SBNO2: variants seen among roughly 807,000 people sequenced by gnomAD.
The protein encoded by SBNO2 is protein strawberry notch homolog 2.
Under a neutral mutation model 146.3 loss-of-function variants are expected in SBNO2, and 89 were observed. That is an observed-to-expected ratio of 0.61 (90% CI 0.51 to 0.73). The LOEUF (loss-of-function observed/expected upper bound fraction) is 0.73. Ranked by LOEUF, SBNO2 falls within the 30% of genes least tolerant of loss-of-function variation. SBNO2 has a pLI of 0.00. For synonymous variants in SBNO2, 1,147 were observed against 892.6 expected (o/e 1.29, Z -5.08); for missense variants, 2,092 against 2,003.7 (o/e 1.04, Z -0.84).
intron 3 of SBNO2, among the ~76,000 whole-genome samples, chr19:1,148,274 C>T (rs988881070): frequency 6.6e-6 from 1 of 152,020 alleles, no homozygotes; most frequent in African/African-American, 2.4e-5. Flanking sequence ...GGTTTGCAAA[C>T]ACCAGCAGGA....
At position 1,122,948 on chromosome 19, in the gene SBNO2, C is replaced by T. The variant is rs780595324; in HGVS notation, c.726G>A (p.Ser242=). The change falls in exon 8 of 32, where the codon TCG becomes TCA. Residue 242 remains serine (S), a synonymous_variant. Coordinates refer to ENST00000361757, the MANE Select transcript of SBNO2 (RefSeq NM_014963.3). ...GCAGGGCAGACAGGGCCCCGCTGTC[C>T]GAGGGCAGGGCCAGGGTGTAGGTGA... is the stretch of plus-strand genomic sequence containing the variant. ...PDITYTLALP[S]DSGALSALQL... is the part of the protein sequence containing the mutation. 2.7e-5 allele frequency: 42 copies of T among 1,562,998 alleles called. No homozygotes were observed. The East Asian group carries it at 4.1e-4, about 15-fold the overall frequency.
intron 23 of SBNO2, 136 bp downstream of exon 23, chr19:1,111,860 A>G: frequency 1.1e-6 from 1 of 885,112 alleles, no homozygotes; most frequent in Non-Finnish European, 1.7e-6. Flanking sequence ...TGGGGGTCCT[A>G]GACCCGGCCC....
At chr19:1,166,611 G>GCA (rs2080427408) in intron 1 of SBNO2, among the ~76,000 whole-genome samples, 1 of 46,932 alleles carries the variant, frequency 2.1e-5, no homozygotes. Context: ...GACCGCAACT[G>GCA]CACGCGCACA....
At chr19:1,147,589 G>T (rs569006675) in intron 3 of SBNO2, among the ~76,000 whole-genome samples, 169 bp from the exon 4 acceptor site, 3 of 151,970 alleles carry the variant, frequency 2.0e-5, no homozygotes, top group East Asian at 3.9e-4. Flanking sequence ...GGCCTCCAGG[G>T]GGGTGGTGGT....
intron 9 of SBNO2, 26 bp downstream of exon 9, chr19:1,122,620 ACCCCCGCTCCCG>A (rs1568577330): frequency 4.5e-6 from 1 of 220,696 alleles, no homozygotes; most frequent in East Asian, 1.6e-4. Flanking sequence ...TCCGCCCCCC[ACCCCCGCTCCCG>A]CCCCCTGCCC....
In SBNO2 at chr19:1,122,531, G is replaced by A. The variant is rs758420504; in HGVS notation, c.942C>T (p.Tyr314=). Residue 314 remains tyrosine, a synonymous_variant, in exon 10 of 32, where the codon TAC becomes TAT. Transcript: ENST00000361757. ...LWFSVSNDLK[Y]DAERDLRDIE... is the part of the protein sequence containing the mutation. ...TGTCCCGCAGGTCGCGCTCCGCATC[G>A]TACTTGAGGTCGTTGGAGACGCTGA... 10 of 1,556,246 alleles carry A rather than the reference G, an allele frequency of 6.4e-6. No individual in the cohort carries two copies. The highest frequency in any genetic ancestry group is 2.7e-5 in the African/African-American group (2 of 73,602).
At position 1,147,340 on chromosome 19, in the gene SBNO2, C is replaced by T. The variant is rs771588263; in HGVS notation, c.248G>A (p.Ser83Asn). ...TSYAPVATAS[S>N]LPPKTCDFAQ... ...AAAGTCGCAGGTCTTTGGTGGCAAGCTGGAGGCGGTGGCCACGGGGGCATA... is the reference window on the plus strand; with the variant it reads ...AAAGTCGCAGGTCTTTGGTGGCAAGTTGGAGGCGGTGGCCACGGGGGCATA... Residue 83 changes from serine to asparagine, a missense_variant, in exon 4 of 32, where the codon AGC becomes AAC. Transcript: ENST00000361757. 10 of 1,559,276 alleles carry T rather than the reference C, an allele frequency of 6.4e-6. No homozygotes were observed. The highest frequency in any genetic ancestry group is 4.3e-4 in the Middle Eastern group (2 of 4,690).
At chr19:1,162,596 G>A (rs1262548656) in intron 1 of SBNO2, among the ~76,000 whole-genome samples, 2 of 152,054 alleles carry the variant, frequency 1.3e-5, no homozygotes, top group African/African-American at 2.4e-5. Context: ...AGCTGACATC[G>A]GCCTTGAGGG....
At chr19:1,113,055 C>T in intron 19 of SBNO2, 106 bp from the exon 20 acceptor site, 1 of 1,341,294 alleles carries the variant, frequency 7.5e-7, no homozygotes, top group Non-Finnish European at 1.0e-6. Context: ...CATGGGCTCC[C>T]AGCTGTGCAC....
chr19:1,141,411 C>T (rs1032947841), intron 4 of SBNO2, among the ~76,000 whole-genome samples: 22 of 152,086 alleles, frequency 1.4e-4, no homozygotes, highest in African/African-American at 5.1e-4. Flanking sequence ...GACGGGGTTT[C>T]GCCACGTTGG....
chr19:1,110,896 G>A lies in SBNO2; in HGVS notation c.2885-8C>T. 6 of 1,613,174 alleles carry A rather than the reference G, an allele frequency of 3.7e-6. No homozygotes were observed. The highest frequency in any genetic ancestry group is 3.3e-4 in the Middle Eastern group (2 of 6,056). ...ACTTGGTGATGGAACAGTCTGGTAGGGGAGGGAGCCAAGCCTCAGGCTGCG... is the reference window on the plus strand; with the variant it reads ...ACTTGGTGATGGAACAGTCTGGTAGAGGAGGGAGCCAAGCCTCAGGCTGCG... On this transcript the variant is annotated splice_region_variant and splice_polypyrimidine_tract_variant and intron_variant, in intron 25 of 31. Coordinates refer to ENST00000361757, the MANE Select transcript of SBNO2 (RefSeq NM_014963.3). The surrounding 1 kb of genome is among the most constrained non-coding windows in gnomAD (Gnocchi z 4.9).
rs374185769 is a variant in SBNO2, at chr19:1,132,001, C to A, written c.280-4236G>T. On this transcript the variant is annotated intron_variant, in intron 4 of 31. Coordinates refer to ENST00000361757, the MANE Select transcript of SBNO2 (RefSeq NM_014963.3). ...CTCTAGGATGAGATGCCGGCTGCTC[C>A]GGCAGGGGGCCCGGCCGTCCTGAAT... 1.1e-5 allele frequency: 11 copies of A among 1,013,932 alleles called. No homozygotes were observed. In the South Asian group the frequency reaches 1.4e-4, roughly 13 times the overall value. The allele number at this position is 1,013,932 out of a possible 1,614,324, so 62.8% of individuals were successfully genotyped here. A position where few individuals can be genotyped will look rare whatever the true frequency, so the allele number is the denominator to read the frequency against.
At chr19:1,111,461 G>T in intron 24 of SBNO2, 45 bp downstream of exon 24, 1 of 1,374,186 alleles carries the variant, frequency 7.3e-7, no homozygotes, top group Non-Finnish European at 1.0e-6. Flanking sequence ...CCAGTGCTCT[G>T]CAACCCCTGC....
chr19:1,149,239 G>A (rs1459155880), intron 3 of SBNO2, 130 bp downstream of exon 3: 22 of 808,906 alleles, frequency 2.7e-5, no homozygotes, highest in East Asian at 1.1e-4. Flanking sequence ...CCAGGACCAC[G>A]TGCACACCAC....
Position 1,110,705 on chromosome 19 carries a change from C to T in SBNO2, c.3028+40G>A. On this transcript the variant is annotated intron_variant, in intron 26 of 31. Transcript: ENST00000361757. This position sits in a 1 kb window ranked among gnomAD's most constrained non-coding sequence, Gnocchi z 4.9. ...GCATGGCGTTCCCACGAGCCCCGCA[C>T]CCACACCCACCCACACCACACCCCG... 1 of 1,608,904 alleles carries T rather than the reference C, an allele frequency of 6.2e-7. No individual in the cohort carries two copies. Among genetic ancestry groups the T allele is most frequent in the Non-Finnish European group, 8.5e-7 (1 of 1,176,808 alleles).
intron 24 of SBNO2, 42 bp from the exon 25 acceptor site, chr19:1,111,135 G>A: frequency 2.6e-6 from 4 of 1,529,294 alleles, no homozygotes. Flanking sequence ...TCCCACCCCT[G>A]CCCCTCCCTC....
Position 1,108,306 on chromosome 19 carries a change from C to T in SBNO2, c.4015G>A (p.Ala1339Thr). The T allele has an allele frequency of 6.8e-7, 1 of 1,462,194 alleles. No homozygotes were observed. Among genetic ancestry groups the T allele is most frequent in the Non-Finnish European group, 9.1e-7 (1 of 1,103,384 alleles). The allele number at this position is 1,462,194 out of a possible 1,614,324, so 90.6% of individuals were successfully genotyped here. A position where few individuals can be genotyped will look rare whatever the true frequency, so the allele number is the denominator to read the frequency against. Residue 1339 changes from alanine (A) to threonine (T), a missense_variant, in exon 32 of 32, where the codon GCG becomes ACG. Coordinates refer to ENST00000361757, the MANE Select transcript of SBNO2 (RefSeq NM_014963.3). ...GGACCACCGCCCGCCGCGCCCCCCG[C>T]CCCCGCGCCCTCCCCCAGCGCGCCC... ...SEGALGEGAG[A>T]GGAAGGGPER...
At chr19:1,152,663 GA>G (rs1263001135) in intron 2 of SBNO2, among the ~76,000 whole-genome samples, 1 of 152,210 alleles carries the variant, frequency 6.6e-6, no homozygotes, top group African/African-American at 2.4e-5. Context: ...CCCCAGCTCA[GA>G]GCCCCCTCTG....
chr19:1,119,450 C>A, intron 13 of SBNO2, 66 bp downstream of exon 13: 1 of 1,287,512 alleles, frequency 7.8e-7, no homozygotes, highest in Non-Finnish European at 1.1e-6. Context: ...AGGCCTTGGG[C>A]TGATGGGCCT....
Sources: gnomAD v4.1 joint callset for allele counts (sites outside exome capture counted in the v4.1 genomes callset) on GRCh38, gnomAD v4.1.1 for gene constraint, Gnocchi (gnomAD v3.1) non-coding constraint, MANE v1.5 for transcripts, NCBI Gene and HGNC (gene_info 2026-07-23, HGNC 2026-07-21) for gene names.